The following MTMR8 variants were observed in gnomAD, a reference collection of about 807,000 sequenced individuals.
The protein encoded by MTMR8 is myotubularin related protein 8, also known as phosphatidylinositol-3,5-bisphosphate 3-phosphatase MTMR8.
MTMR8 carries 65 observed loss-of-function variants against 39.3 expected under a neutral mutation model. The ratio of observed to expected loss-of-function variants is 1.65; its 90% CI spans 1.35 to 2.03. The LOEUF (loss-of-function observed/expected upper bound fraction) is 2.03. MTMR8 is among the 30% of genes most tolerant of loss of function. The probability of loss-of-function intolerance (pLI) is 0.00; values close to 1 mark genes in which losing one functional copy is unlikely to be tolerated. For synonymous variants in MTMR8, 245 were observed against 185.2 expected, an observed-to-expected ratio of 1.32 and a Z score of -2.62; for missense variants, 777 against 538.9, an observed-to-expected ratio of 1.44 and a Z score of -4.37.
At chrX:64,387,188 G>T (rs1028949431) in intron 1 of MTMR8, among the ~76,000 whole-genome samples, 3 of 111,538 alleles carry the variant, frequency 2.7e-5, no homozygotes, top group African/African-American at 9.8e-5. Context: ...ACACTTCAGG[G>T]GAAAGAAATG....
Position 64,268,754 on chromosome X carries a change from G to T in MTMR8, c.1898C>A (p.Ala633Asp), listed in dbSNP as rs1409289306. 8.3e-7 allele frequency: 1 copy of T among 1,209,756 alleles called. No homozygotes were observed. Among genetic ancestry groups the T allele is most frequent in the Non-Finnish European group, 1.1e-6 (1 of 895,205 alleles). The change falls in exon 14 of 14, where the codon GCC (alanine) becomes GAC (aspartate). Residue 633 changes from alanine to aspartate, a missense_variant. Coordinates refer to ENST00000374852, the MANE Select transcript of MTMR8 (RefSeq NM_017677.4). ...NISGDVGISE[A>D]MGISGDMCTF... is the part of the protein sequence containing the mutation. The stretch of plus-strand genomic sequence containing the variant: ...GCACATGTCTCCAGAGATGCCCATG[G>T]CCTCAGAGATGCCCACATCCCCAGA...
chrX:64,301,854 T>G (rs753974769), intron 12 of MTMR8, among the ~76,000 whole-genome samples: 17 of 111,746 alleles, frequency 1.5e-4, no homozygotes, highest in African/African-American at 4.2e-4. Context: ...CCCTGCTGGG[T>G]GGTGCCTCCC....
chrX:64,285,799 C>T (rs2147134488), intron 12 of MTMR8, among the ~76,000 whole-genome samples: 1 of 110,731 alleles, frequency 9.0e-6, no homozygotes, highest in South Asian at 3.9e-4. Flanking sequence ...CACAACATAC[C>T]AGAATCTCTG....
rs748363641 is a variant in MTMR8 at position 64,349,941 on chromosome X, C to G, written c.597+1G>C. On this transcript the variant is annotated splice_donor_variant, in intron 5 of 13. Coordinates refer to ENST00000374852, the MANE Select transcript of MTMR8 (RefSeq NM_017677.4). LOFTEE classifies it high-confidence loss of function. Reference sequence around the variant, plus strand: ...TCATTAGAGAAATCTGCTTAACTTACATTGTTCTCTTTGTAGAGGTAGGAG... The same window carrying G: ...TCATTAGAGAAATCTGCTTAACTTAGATTGTTCTCTTTGTAGAGGTAGGAG... The G allele has an allele frequency of 1.7e-6, 2 of 1,145,487 alleles. No homozygotes were observed. Among genetic ancestry groups the G allele is most frequent in the Non-Finnish European group, 2.3e-6 (2 of 861,297 alleles). 94.4% of individuals were successfully genotyped at this position (1,145,487 alleles called of 1,213,427 possible). A position where few individuals can be genotyped will look rare whatever the true frequency, so the allele number is the denominator to read the frequency against.
intron 12 of MTMR8, among the ~76,000 whole-genome samples, chrX:64,296,207 C>A (rs1921574320): frequency 9.0e-6 from 1 of 111,677 alleles, no homozygotes; most frequent in Admixed American, 9.6e-5. Flanking sequence ...CAGACACAAA[C>A]ACATACAAAA....
At chrX:64,270,655 T>A (rs768146380) in intron 13 of MTMR8, among the ~76,000 whole-genome samples, 1 of 112,297 alleles carries the variant, frequency 8.9e-6, no homozygotes, top group East Asian at 2.8e-4. Context: ...ACAAATGCTA[T>A]GTGATTTCCC....
intron 1 of MTMR8, among the ~76,000 whole-genome samples, chrX:64,386,574 G>T (rs185148403): frequency 8.9e-6 from 1 of 111,816 alleles, no homozygotes; most frequent in Non-Finnish European, 1.9e-5. Context: ...CTACCACCAC[G>T]GAAAATACTT....
intron 1 of MTMR8, among the ~76,000 whole-genome samples, chrX:64,379,710 C>T (rs1924360396): frequency 1.8e-5 from 2 of 111,400 alleles, no homozygotes; most frequent in Non-Finnish European, 3.8e-5. Flanking sequence ...GTAAAGTCCC[C>T]ATCTCAAAAA....
At chrX:64,348,149 C>T (rs977046414) in intron 6 of MTMR8, among the ~76,000 whole-genome samples, 3 of 111,139 alleles carry the variant, frequency 2.7e-5, no homozygotes, top group Non-Finnish European at 5.7e-5. Flanking sequence ...AGAATTACTG[C>T]CATATGAGCT....
At chrX:64,361,224 T>G (rs191422767) in intron 1 of MTMR8, among the ~76,000 whole-genome samples, 1 of 111,325 alleles carries the variant, frequency 9.0e-6, no homozygotes, top group East Asian at 2.8e-4. Flanking sequence ...AACAAAACCC[T>G]CAGGCCCAGA....
rs1055382395 is a variant in MTMR8 at position 64,328,789 on chromosome X, A to T, written c.1464T>A (p.Thr488=). The T allele has an allele frequency of 1.6e-5, 19 of 1,172,947 alleles. No individual in the cohort carries two copies. The highest frequency in any genetic ancestry group is 2.2e-5 in the Non-Finnish European group (19 of 880,308). The stretch of plus-strand genomic sequence containing the variant: ...GAACTTACTGAATGTTGTAGGGCAC[A>T]GTACTAGGATTGAGTACCCCATACA... ...FTMYGVLNPS[T]VPYNIQFWCG... is the part of the protein sequence containing the mutation. The change falls in exon 12 of 14, where the codon ACT becomes ACA. Residue 488 remains threonine, a synonymous_variant. Transcript: ENST00000374852.
chrX:64,379,179 C>T (rs1298421310), intron 1 of MTMR8, among the ~76,000 whole-genome samples: 3 of 111,619 alleles, frequency 2.7e-5, no homozygotes, highest in South Asian at 3.7e-4. Context: ...CAGATGGTTT[C>T]ACTGGTGAAT....
chrX:64,329,009 A>T, intron 11 of MTMR8, 109 bp from the exon 12 acceptor site: 1 of 730,267 alleles, frequency 1.4e-6, no homozygotes, highest in South Asian at 3.4e-5. Context: ...AACCCAGCTC[A>T]AGAAAGGACG....
At chrX:64,370,850 G>A (rs1321965968) in intron 1 of MTMR8, among the ~76,000 whole-genome samples, 4 of 111,415 alleles carry the variant, frequency 3.6e-5, no homozygotes, top group Non-Finnish European at 3.8e-5. Flanking sequence ...CTCTAATTAG[G>A]GATCCTCAAT....
intron 12 of MTMR8, among the ~76,000 whole-genome samples, chrX:64,296,242 C>T (rs1279303104): frequency 9.0e-6 from 1 of 111,423 alleles, no homozygotes; most frequent in Non-Finnish European, 1.9e-5. Context: ...ACTTCACTTA[C>T]ATGAGCTACC....
intron 7 of MTMR8, among the ~76,000 whole-genome samples, chrX:64,344,815 A>G (rs1321075561): frequency 9.0e-6 from 1 of 111,658 alleles, no homozygotes; most frequent in East Asian, 2.8e-4. Context: ...CTAGACCCAG[A>G]TGAACTTTAT....
chrX:64,335,932 T>C, intron 10 of MTMR8, 147 bp downstream of exon 10: 1 of 398,968 alleles, frequency 2.5e-6, no homozygotes, highest in Non-Finnish European at 4.3e-6. Flanking sequence ...TAGCATAGTA[T>C]CTAGAATACT....
intron 12 of MTMR8, among the ~76,000 whole-genome samples, chrX:64,296,565 C>T (rs1345705762): frequency 3.9e-5 from 4 of 101,733 alleles, no homozygotes; most frequent in Non-Finnish European, 7.8e-5. Context: ...TATATGGACC[C>T]TATGCTGGTT....
At chrX:64,325,032 T>A (rs1432940301) in intron 12 of MTMR8, among the ~76,000 whole-genome samples, 3 of 111,344 alleles carry the variant, frequency 2.7e-5, no homozygotes, top group African/African-American at 6.6e-5. Context: ...GGAACAATTC[T>A]ATGCCAGAAA....
Sources: allele counts gnomAD v4.1 joint callset (sites outside exome capture counted in the v4.1 genomes callset), GRCh38; gene constraint gnomAD v4.1.1; transcripts MANE v1.5; gene names NCBI Gene and HGNC (gene_info 2026-07-23, HGNC 2026-07-21).